AGBL4: variants seen among roughly 807,000 people sequenced by gnomAD.
AGBL4 encodes AGBL carboxypeptidase 4, also known as cytosolic carboxypeptidase 6.
Under a neutral mutation model 66.4 loss-of-function variants are expected in AGBL4, and 58 were observed. The observed-to-expected ratio is 0.87, with a 90% CI of 0.71 to 1.09. The LOEUF is 1.09. Among genes scored for constraint, AGBL4 ranks in the 50% least tolerant of loss-of-function variants. AGBL4 has a pLI of 0.00. For synonymous variants in AGBL4, 234 were observed against 222.9 expected (o/e 1.05, Z -0.44); for missense variants, 579 against 631.0 (o/e 0.92, Z 0.88).
intron 3 of AGBL4, among the ~76,000 whole-genome samples, chr1:49,434,685 TGG>T (rs1173503975): frequency 6.7e-5 from 10 of 149,386 alleles, no homozygotes; most frequent in African/African-American, 2.5e-4. Flanking sequence ...GTGGTGGTAG[TGG>T]TGGTGGTGGT....
At chr1:49,900,218 T>C (rs1018230586) in intron 1 of AGBL4, among the ~76,000 whole-genome samples, 3 of 151,904 alleles carry the variant, frequency 2.0e-5, no homozygotes, top group Non-Finnish European at 4.4e-5. Context: ...GTTTTTTCTG[T>C]TGTTGTTGTT....
intron 4 of AGBL4, among the ~76,000 whole-genome samples, chr1:49,193,017 C>G (rs1359638603): frequency 6.6e-6 from 1 of 152,194 alleles, no homozygotes; most frequent in East Asian, 1.9e-4. Flanking sequence ...AGTTTGTCCA[C>G]AGTATTCTCT....
At chr1:49,288,263 T>C (rs1186935816) in intron 3 of AGBL4, among the ~76,000 whole-genome samples, 6 of 149,064 alleles carry the variant, frequency 4.0e-5, no homozygotes, top group Non-Finnish European at 4.5e-5. Flanking sequence ...TACCTAATGC[T>C]TGATGACGAG....
chr1:48,984,263 T>A (rs1659998113), intron 5 of AGBL4, among the ~76,000 whole-genome samples: 1 of 151,698 alleles, frequency 6.6e-6, no homozygotes, highest in Non-Finnish European at 1.5e-5. Context: ...TGGAAACTAA[T>A]GTTTAAAGTG....
chr1:48,685,453 C>A (rs745811832), intron 6 of AGBL4, among the ~76,000 whole-genome samples: 2 of 152,130 alleles, frequency 1.3e-5, no homozygotes, highest in Admixed American at 6.6e-5. Flanking sequence ...CATGACCCCC[C>A]CATAGCCATC....
At chr1:48,895,313 A>G (rs1257062111) in intron 5 of AGBL4, among the ~76,000 whole-genome samples, 1 of 152,204 alleles carries the variant, frequency 6.6e-6, no homozygotes, top group Non-Finnish European at 1.5e-5. Flanking sequence ...CCAGTGGTCA[A>G]CATGGCCATG....
intron 1 of AGBL4, among the ~76,000 whole-genome samples, chr1:49,947,927 C>G (rs1655368042): frequency 2.2e-5 from 1 of 45,576 alleles, no homozygotes; most frequent in Admixed American, 2.1e-4. Flanking sequence ...AAATCAAGAA[C>G]TCAACCCCTT....
chr1:48,663,335 T>C, intron 6 of AGBL4, 94 bp from the exon 7 acceptor site: 1 of 1,181,066 alleles, frequency 8.5e-7, no homozygotes. Flanking sequence ...GGGAATGGGC[T>C]GGATGTTTTA....
At chr1:48,686,044 A>T (rs1646526106) in intron 6 of AGBL4, among the ~76,000 whole-genome samples, 1 of 152,190 alleles carries the variant, frequency 6.6e-6, no homozygotes, top group Non-Finnish European at 1.5e-5. Flanking sequence ...TAACTGTTTC[A>T]TTGAATCCCC....
chr1:49,951,717 G>A (rs566213792), intron 1 of AGBL4, among the ~76,000 whole-genome samples: 1 of 151,958 alleles, frequency 6.6e-6, no homozygotes, highest in South Asian at 2.1e-4. Context: ...CTCTTCCTTT[G>A]TTATTTAGGT....
At chr1:49,117,796 T>C (rs994118336) in intron 4 of AGBL4, among the ~76,000 whole-genome samples, 1 of 152,212 alleles carries the variant, frequency 6.6e-6, no homozygotes, top group African/African-American at 2.4e-5. Context: ...ATTGAATCTA[T>C]AAATTACCTT....
chr1:48,565,817 G>C (rs941825905), intron 11 of AGBL4, among the ~76,000 whole-genome samples: 2 of 152,200 alleles, frequency 1.3e-5, no homozygotes, highest in South Asian at 2.1e-4. Context: ...AAGCCGTCTA[G>C]GGCAGTACCT....
At chr1:49,533,764 A>G (rs1426005975) in intron 3 of AGBL4, among the ~76,000 whole-genome samples, 3 of 152,122 alleles carry the variant, frequency 2.0e-5, no homozygotes, top group Non-Finnish European at 4.4e-5. Context: ...GCCCGCTTCA[A>G]CATCCACAAA....
At chr1:48,610,847 C>T (rs987277185) in intron 9 of AGBL4, among the ~76,000 whole-genome samples, 4 of 152,156 alleles carry the variant, frequency 2.6e-5, no homozygotes, top group Non-Finnish European at 5.9e-5. Context: ...AATGAGGAGT[C>T]TCTCCCTCCT....
At position 49,218,974 on chromosome 1, in the gene AGBL4, T is replaced by G. The variant is rs191112736; in HGVS notation, c.377+26796A>C. Among the ~76,000 whole-genome samples the G allele has an allele frequency of 7.4e-4, 112 of 152,258 alleles. 1 individual carries two copies. The highest frequency in any genetic ancestry group is 2.6e-3 in the African/African-American group (107 of 41,554). On this transcript the variant is annotated intron_variant, in intron 4 of 13. Coordinates refer to ENST00000371839, the MANE Select transcript of AGBL4 (RefSeq NM_032785.4). The stretch of plus-strand genomic sequence containing the variant: ...CATGATTGTGAGGCCTCCCTAGCCA[T>G]GTGGAACTGTGAGTCCATTAAACCT...
At chr1:49,990,013 G>A (rs527976599) in intron 1 of AGBL4, among the ~76,000 whole-genome samples, 2 of 152,088 alleles carry the variant, frequency 1.3e-5, no homozygotes, top group Non-Finnish European at 2.9e-5. Flanking sequence ...AGGGGTGGAA[G>A]GCAGCTAGAG....
At chr1:49,066,722 A>G (rs1475476824) in intron 4 of AGBL4, among the ~76,000 whole-genome samples, 3 of 152,202 alleles carry the variant, frequency 2.0e-5, no homozygotes, top group African/African-American at 7.2e-5. Context: ...AAAATCAGTC[A>G]GAATGTAGCT....
chr1:48,527,239 C>A, the AGBL4 span, among the ~76,000 whole-genome samples: 1 of 152,004 alleles, frequency 6.6e-6, no homozygotes, highest in Non-Finnish European at 1.5e-5. Flanking sequence ...CAAATAAAAC[C>A]TGAACTTTGC....
At chr1:49,194,425 T>G (rs753497057) in intron 4 of AGBL4, among the ~76,000 whole-genome samples, 38 of 152,206 alleles carry the variant, frequency 2.5e-4, no homozygotes, top group Non-Finnish European at 4.3e-4. Context: ...GAGGTGACTT[T>G]CTTGTAAGCA....
Sources: gnomAD v4.1 joint callset for allele counts (sites outside exome capture counted in the v4.1 genomes callset) on GRCh38, gnomAD v4.1.1 for gene constraint, MANE v1.5 for transcripts, NCBI Gene and HGNC (gene_info 2026-07-23, HGNC 2026-07-21) for gene names.